RGPD2: variants seen among roughly 807,000 people sequenced by gnomAD.
The protein encoded by RGPD2 is RANBP2-like and GRIP domain-containing protein 2.
In RGPD2, 2 loss-of-function variants were observed where a neutral mutation model predicts 36.0. That is an observed-to-expected ratio of 0.06 (90% CI 0.02 to 0.17). The LOEUF is 0.17. RGPD2 is among the 10% of genes least tolerant of loss of function. RGPD2 has a pLI of 1.00. For synonymous variants in RGPD2, 19 were observed against 163.8 expected, an observed-to-expected ratio of 0.12 and a Z score of 6.75; for missense variants, 40 against 464.3, an observed-to-expected ratio of 0.09 and a Z score of 8.40.
the RGPD2 span, among the ~76,000 whole-genome samples, chr2:87,857,165 G>GAA: frequency 2.6e-5 from 4 of 152,182 alleles, no homozygotes; most frequent in African/African-American, 9.7e-5. Flanking sequence ...ACAAAAATGT[G>GAA]AATTCTTATG....
At chr2:87,810,157 CA>C (rs1180266192) in intron 6 of RGPD2, among the ~76,000 whole-genome samples, 2 of 1,986 alleles carry the variant, frequency 1.0e-3, no homozygotes, top group African/African-American at 3.2e-3. Context: ...GACTCAGTCT[CA>C]AAAAAAAAAA....
the RGPD2 span, among the ~76,000 whole-genome samples, chr2:87,989,394 C>G: frequency 3.3e-5 from 5 of 151,208 alleles, no homozygotes; most frequent in African/African-American, 9.7e-5. Context: ...AATCTTTATA[C>G]AGTGAGTCAC....
chr2:87,919,510 A>G, the RGPD2 span, among the ~76,000 whole-genome samples: 1 of 152,040 alleles, frequency 6.6e-6, no homozygotes, highest in Non-Finnish European at 1.5e-5. Flanking sequence ...AATGAGGTGA[A>G]GTTTCAACAG....
chr2:87,843,558 A>G, the RGPD2 span, among the ~76,000 whole-genome samples: 1 of 140,264 alleles, frequency 7.1e-6, no homozygotes, highest in Non-Finnish European at 1.5e-5. Flanking sequence ...AAAGTCAGGA[A>G]ACAACAGGTG....
the RGPD2 span, among the ~76,000 whole-genome samples, chr2:87,841,300 T>G: frequency 6.6e-6 from 1 of 151,998 alleles, no homozygotes; most frequent in African/African-American, 2.4e-5. Flanking sequence ...AAAGCTCCCT[T>G]GAGGCCGACT....
At chr2:87,918,712 C>T in the RGPD2 span, among the ~76,000 whole-genome samples, 20 of 151,924 alleles carry the variant, frequency 1.3e-4, no homozygotes, top group Middle Eastern at 6.3e-3. Context: ...GAATGGTCCA[C>T]GTCTTAGACT....
chr2:87,927,581 GAATC>G, the RGPD2 span, among the ~76,000 whole-genome samples: 2 of 151,288 alleles, frequency 1.3e-5, no homozygotes, highest in African/African-American at 4.9e-5. Context: ...TTCAGAATCA[GAATC>G]AATCAGTGAT....
the RGPD2 span, among the ~76,000 whole-genome samples, chr2:87,980,224 G>T: frequency 1.2e-4 from 17 of 146,760 alleles, no homozygotes; most frequent in Non-Finnish European, 1.8e-4. Context: ...GGTGGCGGGC[G>T]CCTGTAATCC....
chr2:87,876,934 T>G, the RGPD2 span, among the ~76,000 whole-genome samples: 1 of 152,210 alleles, frequency 6.6e-6, no homozygotes, highest in African/African-American at 2.4e-5. Flanking sequence ...TTTCTTGTAT[T>G]GAACATTTTA....
chr2:87,980,956 G>A, the RGPD2 span, among the ~76,000 whole-genome samples: 94 of 134,468 alleles, frequency 7.0e-4, no homozygotes, highest in African/African-American at 2.5e-3. Context: ...TTTCTTCCAG[G>A]TTACTGTAAA....
the RGPD2 span, among the ~76,000 whole-genome samples, chr2:87,897,654 T>G: frequency 1.3e-5 from 2 of 150,900 alleles, no homozygotes; most frequent in African/African-American, 4.9e-5. Context: ...GGCCCCCGTG[T>G]GTGGTGTGCC....
At chr2:87,961,738 A>C in the RGPD2 span, among the ~76,000 whole-genome samples, 1 of 144,816 alleles carries the variant, frequency 6.9e-6, no homozygotes, top group Admixed American at 7.1e-5. Context: ...TCCCGCAGTC[A>C]GTCCTGCGGG....
chr2:87,952,505 C>T, the RGPD2 span, among the ~76,000 whole-genome samples: 2 of 152,122 alleles, frequency 1.3e-5, no homozygotes, highest in Admixed American at 6.5e-5. Flanking sequence ...CATACGTTAT[C>T]TAAGATAAGT....
chr2:87,962,008 C>T, the RGPD2 span, among the ~76,000 whole-genome samples: 1 of 121,760 alleles, frequency 8.2e-6, no homozygotes, highest in Non-Finnish European at 1.7e-5. Context: ...TCCTGGGCAC[C>T]AGAGTGAGAC....
the RGPD2 span, among the ~76,000 whole-genome samples, chr2:87,882,191 G>T: frequency 6.7e-6 from 1 of 149,542 alleles, no homozygotes; most frequent in African/African-American, 2.5e-5. Flanking sequence ...ATGTCACACA[G>T]TTTTTTTTTT....
the RGPD2 span, among the ~76,000 whole-genome samples, chr2:87,986,897 A>G: frequency 1.3e-5 from 2 of 150,232 alleles, no homozygotes; most frequent in African/African-American, 2.5e-5. Context: ...AAAAATCACT[A>G]TGAAAAACAT....
the RGPD2 span, among the ~76,000 whole-genome samples, chr2:87,987,942 C>T: frequency 7.7e-6 from 1 of 129,302 alleles, no homozygotes; most frequent in Admixed American, 8.5e-5. Flanking sequence ...ATATATTTTG[C>T]TTAGGCTTAT....
the RGPD2 span, among the ~76,000 whole-genome samples, chr2:87,831,696 TAAAGAG>T: frequency 2.0e-5 from 3 of 149,862 alleles, no homozygotes; most frequent in Non-Finnish European, 3.0e-5. Context: ...AAAATCCTAA[TAAAGAG>T]AAAGACCTAC....
At chr2:87,967,943 CA>C in the RGPD2 span, among the ~76,000 whole-genome samples, 1 of 136,032 alleles carries the variant, frequency 7.4e-6, no homozygotes, top group Non-Finnish European at 1.5e-5. Context: ...TTTCATATAG[CA>C]GTTCTCTAGA....
Sources: allele counts gnomAD v4.1 joint callset (sites outside exome capture counted in the v4.1 genomes callset), GRCh38; gene constraint gnomAD v4.1.1; transcripts MANE v1.5; gene names NCBI Gene and HGNC (gene_info 2026-07-23, HGNC 2026-07-21).